Variants in SLC8A2 observed in about 807,000 individuals in gnomAD.
SLC8A2 encodes the protein solute carrier family 8 member A2, also known as sodium/calcium exchanger 2.
SLC8A2 carries 14 observed loss-of-function variants against 70.2 expected under a neutral mutation model. The ratio of observed to expected loss-of-function variants is 0.20; its 90% CI spans 0.13 to 0.31. SLC8A2 has a LOEUF of 0.31. SLC8A2 is among the 10% of genes least tolerant of loss of function. The pLI, the probability that SLC8A2 is intolerant of heterozygous loss-of-function variation, is 1.00. For missense variants in SLC8A2, 779 were observed against 1,320.1 expected (o/e 0.59, Z 6.35); for synonymous variants, 575 against 594.3 (o/e 0.97, Z 0.47).
intron 3 of SLC8A2, among the ~76,000 whole-genome samples, chr19:47,453,907 AGAGT>A (rs1332250258): frequency 1.3e-5 from 2 of 152,194 alleles, no homozygotes; most frequent in Non-Finnish European, 2.9e-5. Flanking sequence ...CGTGAGTGAC[AGAGT>A]GAGACTCTGT....
chr19:47,455,551 A>G (rs1313429026), intron 3 of SLC8A2, among the ~76,000 whole-genome samples: 1 of 152,216 alleles, frequency 6.6e-6, no homozygotes, highest in Non-Finnish European at 1.5e-5. Flanking sequence ...TAGTAGACAC[A>G]TGATAAATGT....
chr19:47,434,590 T>A (rs1183826086), intron 8 of SLC8A2, among the ~76,000 whole-genome samples: 1 of 152,210 alleles, frequency 6.6e-6, no homozygotes, highest in Non-Finnish European at 1.5e-5. Context: ...TCGATTGTTA[T>A]GATTGAAGGC....
At chr19:47,450,656 C>T (rs1015888028) in intron 3 of SLC8A2, among the ~76,000 whole-genome samples, 10 of 152,078 alleles carry the variant, frequency 6.6e-5, no homozygotes, top group Non-Finnish European at 4.4e-5. Flanking sequence ...ATGAGGGAGT[C>T]CCTCAGCTCA....
Position 47,457,537 on chromosome 19 carries a change from T to A in SLC8A2, c.733A>T (p.Met245Leu). 6.2e-7 allele frequency: 1 copy of A among 1,601,892 alleles called. No individual in the cohort carries two copies. Among genetic ancestry groups the A allele is most frequent in the Non-Finnish European group, 8.5e-7 (1 of 1,175,484 alleles). ...TAGAAGAGCAGCCGCTTGTCGGCCA[T>A]CCAGGCGAATACCACGCACACCGGG... ...FFPVCVVFAW[M>L]ADKRLLFYKY... Residue 245 changes from methionine (M) to leucine (L), a missense_variant, in exon 3 of 10, where the codon ATG becomes TTG. Met to Leu is a conservative substitution (Grantham distance 15). This residue lies in a region of SLC8A2 where 155 missense variants were observed against 318.6 expected (regional missense o/e 0.49). Coordinates refer to ENST00000236877, the MANE Select transcript of SLC8A2 (RefSeq NM_015063.3).
rs1966938175 is a variant in SLC8A2, at chr19:47,430,247, T to C, written c.2608A>G (p.Ile870Val). ...TLFTVFAFVG[I>V]AVLLYRRRPH... ...CGGCGCCGGTACAGCAGCACGGCAA[T>C]GCCCACGAAGGCGAAGACGGTGAAG... is the stretch of plus-strand genomic sequence containing the variant. Residue 870 changes from isoleucine (I) to valine (V), a missense_variant, in exon 10 of 10, where the codon ATT becomes GTT. Ile to Val is a conservative substitution (Grantham distance 29, BLOSUM62 3). Coordinates refer to ENST00000236877, the MANE Select transcript of SLC8A2 (RefSeq NM_015063.3). The surrounding 1 kb of genome is among the most constrained non-coding windows in gnomAD (Gnocchi z 5.9). 6.2e-6 allele frequency: 10 copies of C among 1,611,790 alleles called. No individual in the cohort carries two copies. Among genetic ancestry groups the C allele is most frequent in the Non-Finnish European group, 7.6e-6 (9 of 1,179,050 alleles).
intron 4 of SLC8A2, among the ~76,000 whole-genome samples, chr19:47,442,045 T>C (rs1449552501): frequency 6.6e-6 from 1 of 152,132 alleles, no homozygotes; most frequent in Non-Finnish European, 1.5e-5. Context: ...GAGGTTGCAG[T>C]GAGCTGAGAT....
intron 3 of SLC8A2, 102 bp downstream of exon 3, chr19:47,456,828 C>T (rs539686244): frequency 2.6e-6 from 3 of 1,156,862 alleles, no homozygotes; most frequent in African/African-American, 1.6e-5. Context: ...CCAATGAATC[C>T]TGCAGGAGTC....
Position 47,437,536 on chromosome 19 carries a change from T to C in SLC8A2, c.2036A>G (p.Lys679Arg), listed in dbSNP as rs1255243126. 2.5e-6 allele frequency: 4 copies of C among 1,613,940 alleles called. No homozygotes were observed. Among genetic ancestry groups the C allele is most frequent in the Non-Finnish European group, 3.4e-6 (4 of 1,179,882 alleles). ...CCCAATTACCAAGGCCAAGTTCGTT[T>C]TCTTGATGAGTTTATCCACCGTGTT... Reference protein sequence around the residue: ...FKNTVDKLIKKTNLALVIGTH... With the variant: ...FKNTVDKLIKRTNLALVIGTH... The change falls in exon 8 of 10, where the codon AAA (lysine) becomes AGA (arginine). Residue 679 changes from lysine to arginine, a missense_variant. This residue lies in a region of SLC8A2 where 247 missense variants were observed against 362.8 expected (regional missense o/e 0.68). Transcript: ENST00000236877.
chr19:47,437,521 A>G lies in SLC8A2; in HGVS notation c.2051T>C (p.Leu684Ser), dbSNP rs778701780. 1.9e-6 allele frequency: 3 copies of G among 1,613,838 alleles called. No individual in the cohort carries two copies. The highest frequency in any genetic ancestry group is 4.5e-5 in the East Asian group (2 of 44,856). ...CCTCCATGAATGGGTCCCAATTACC[A>G]AGGCCAAGTTCGTTTTCTTGATGAG... ...DKLIKKTNLA[L>S]VIGTHSWREQ... is the part of the protein sequence containing the mutation. The change falls in exon 8 of 10, where the codon TTG becomes TCG. Residue 684 changes from leucine (L) to serine (S), a missense_variant. Physicochemically the swap from Leu to Ser is moderately radical, Grantham distance 145 (BLOSUM62 -2). Around this residue, in one of 6 missense-constraint regions of SLC8A2, gnomAD observed 247 missense variants for 362.8 expected, o/e 0.68. Transcript: ENST00000236877.
At chr19:47,437,223 C>A (rs766444647) in intron 8 of SLC8A2, among the ~76,000 whole-genome samples, 25 of 151,824 alleles carry the variant, frequency 1.6e-4, no homozygotes, top group Middle Eastern at 3.4e-3. Context: ...TTAGAGACAG[C>A]GTCTTGCTCT....
At position 47,448,239 on chromosome 19, in the gene SLC8A2, G is replaced by A. The variant is rs762132632; in HGVS notation, c.1341-8C>T. 84 of 1,580,082 alleles carry A rather than the reference G, an allele frequency of 5.3e-5. No homozygotes were observed. The highest frequency in any genetic ancestry group is 6.4e-5 in the Non-Finnish European group (74 of 1,159,698). On this transcript the variant is annotated splice_region_variant and splice_polypyrimidine_tract_variant and intron_variant, in intron 3 of 9. Transcript: ENST00000236877. The surrounding 1 kb of genome is among the most constrained non-coding windows in gnomAD (Gnocchi z 4.8). ...AACACCAGCGTGCCCTCGCTGCGGC[G>A]GGGTGGGGAGGGGGAAGAGCGGGGT...
intron 2 of SLC8A2, among the ~76,000 whole-genome samples, chr19:47,460,112 C>A (rs967872138): frequency 6.6e-6 from 1 of 152,202 alleles, no homozygotes; most frequent in Non-Finnish European, 1.5e-5. Context: ...CACCCAAACG[C>A]CCTCAGTGCC....
rs1362593179 is a variant in SLC8A2 at position 47,468,140 on chromosome 19, C to T, written c.-16-1721G>A. 1.3e-5 allele frequency among the ~76,000 whole-genome samples: 2 copies of T among 151,976 alleles called. No homozygotes were observed. Among genetic ancestry groups the T allele is most frequent in the African/African-American group, 4.8e-5 (2 of 41,386 alleles). On this transcript the variant is annotated intron_variant, in intron 1 of 9. Transcript: ENST00000236877. The surrounding 1 kb of genome is among the most constrained non-coding windows in gnomAD (Gnocchi z 5.1). ...CAGGGCCCGTGAGGTCCTGCCCAAC[C>T]TGGCCCCGACTCCCTCTCTGGCCTC...
At chr19:47,450,662 G>C (rs1413343789) in intron 3 of SLC8A2, among the ~76,000 whole-genome samples, 1 of 152,136 alleles carries the variant, frequency 6.6e-6, no homozygotes, top group Non-Finnish European at 1.5e-5. Flanking sequence ...GAGTCCCTCA[G>C]CTCAGGATTC....
At chr19:47,462,320 A>T (rs1284025261) in intron 2 of SLC8A2, among the ~76,000 whole-genome samples, 2 of 151,700 alleles carry the variant, frequency 1.3e-5, no homozygotes, top group Non-Finnish European at 2.9e-5. Flanking sequence ...GCTGGAGTGC[A>T]GTGGTGCAAT....
At chr19:47,434,106 A>G (rs1183956862) in intron 8 of SLC8A2, among the ~76,000 whole-genome samples, 1 of 152,226 alleles carries the variant, frequency 6.6e-6, no homozygotes, top group East Asian at 1.9e-4. Flanking sequence ...GTAGCTCCTG[A>G]CCAGTCACTG....
intron 4 of SLC8A2, among the ~76,000 whole-genome samples, chr19:47,445,722 C>T (rs1967152905): frequency 6.6e-6 from 1 of 152,158 alleles, no homozygotes; most frequent in Admixed American, 6.6e-5. Flanking sequence ...GGTGTCCCAG[C>T]CTGGGGAAGC....
In SLC8A2 at chr19:47,466,495, G is replaced by A. The variant is rs1428442335; in HGVS notation, c.-16-76C>T. On this transcript the variant is annotated intron_variant, in intron 1 of 9. Coordinates refer to ENST00000236877, the MANE Select transcript of SLC8A2 (RefSeq NM_015063.3). This position sits in a 1 kb window ranked among gnomAD's most constrained non-coding sequence, Gnocchi z 6.9. The stretch of plus-strand genomic sequence containing the variant: ...TCATACAAAGGTCAAAGCTCACTGG[G>A]GAAGGAGGGTTGGGGGAGAAGCTGA... The A allele has an allele frequency of 1.7e-6, 1 of 595,364 alleles. No individual in the cohort carries two copies. Among genetic ancestry groups the A allele is most frequent in the East Asian group, 2.8e-5 (1 of 35,600 alleles). 36.9% of individuals were successfully genotyped at this position (595,364 alleles called of 1,614,324 possible). A position where few individuals can be genotyped will look rare whatever the true frequency, so the allele number is the denominator to read the frequency against.
intron 3 of SLC8A2, among the ~76,000 whole-genome samples, chr19:47,454,892 C>T (rs181031855): frequency 1.8e-3 from 281 of 152,204 alleles, no homozygotes; most frequent in Non-Finnish European, 3.5e-3. Flanking sequence ...TCAAGACCAG[C>T]CTGGCCAACA....
Sources: allele counts gnomAD v4.1 joint callset (sites outside exome capture counted in the v4.1 genomes callset), GRCh38; gene constraint gnomAD v4.1.1; regional missense constraint gnomAD v4.1.1; non-coding constraint Gnocchi (gnomAD v3.1); transcripts MANE v1.5; gene names NCBI Gene and HGNC (gene_info 2026-07-23, HGNC 2026-07-21).